Variants in KCNIP4 observed in about 807,000 individuals in gnomAD.
KCNIP4 encodes the protein Kv channel-interacting protein 4.
Under a neutral mutation model 34.0 loss-of-function variants are expected in KCNIP4, and 12 were observed. The observed-to-expected ratio is 0.35, with a 90% CI of 0.23 to 0.57. The LOEUF (loss-of-function observed/expected upper bound fraction) is 0.57. Ranked by LOEUF, KCNIP4 falls within the 20% of genes least tolerant of loss-of-function variation. The probability of loss-of-function intolerance (pLI) is 0.83; values close to 1 mark genes in which losing one functional copy is unlikely to be tolerated. For missense variants in KCNIP4, 238 were observed against 311.7 expected (o/e 0.76, Z 1.78); for synonymous variants, 124 against 102.2 (o/e 1.21, Z -1.29).
intron 1 of KCNIP4, among the ~76,000 whole-genome samples, chr4:20,974,868 T>C (rs973378674): frequency 1.3e-5 from 2 of 152,214 alleles, no homozygotes; most frequent in Admixed American, 6.5e-5. Context: ...ATTGAATACA[T>C]GATTATGCTA....
chr4:20,760,018 G>A (rs1578553496), intron 3 of KCNIP4, among the ~76,000 whole-genome samples: 1 of 152,162 alleles, frequency 6.6e-6, no homozygotes, highest in Admixed American at 6.5e-5. Flanking sequence ...TCTGCATTTG[G>A]CAGTGGATGC....
intron 3 of KCNIP4, among the ~76,000 whole-genome samples, chr4:20,785,554 C>G (rs761746108): frequency 6.6e-6 from 1 of 152,046 alleles, no homozygotes; most frequent in Admixed American, 6.6e-5. Context: ...GTTTATAACA[C>G]GTACATTGCT....
At chr4:21,134,580 T>G (rs184046115) in intron 1 of KCNIP4, among the ~76,000 whole-genome samples, 425 of 152,292 alleles carry the variant, frequency 2.8e-3, no homozygotes, top group Non-Finnish European at 4.7e-3. Context: ...TAAGTTTGCT[T>G]TTACATCACT....
chr4:21,774,814 C>G (rs1189692326), intron 1 of KCNIP4, among the ~76,000 whole-genome samples: 1 of 152,164 alleles, frequency 6.6e-6, no homozygotes, highest in Non-Finnish European at 1.5e-5. Flanking sequence ...ATGTTCCTCT[C>G]TAAACCTGTT....
At chr4:21,477,949 G>A (rs563313310) in intron 1 of KCNIP4, among the ~76,000 whole-genome samples, 2 of 152,118 alleles carry the variant, frequency 1.3e-5, no homozygotes, top group Non-Finnish European at 2.9e-5. Flanking sequence ...TTATTGAAAC[G>A]TTGTTATAAA....
chr4:20,857,284 C>A (rs890254935), intron 2 of KCNIP4, among the ~76,000 whole-genome samples: 11 of 152,100 alleles, frequency 7.2e-5, no homozygotes, highest in African/African-American at 2.4e-4. Context: ...CTATGGGGAG[C>A]ACGGCATGAT....
At chr4:21,289,454 G>A (rs939135335) in intron 1 of KCNIP4, among the ~76,000 whole-genome samples, 21 of 152,150 alleles carry the variant, frequency 1.4e-4, no homozygotes, top group African/African-American at 3.6e-4. Context: ...CCAAAGCAAG[G>A]ATTTTTTTTC....
chr4:21,591,484 C>A (rs1341130909), intron 1 of KCNIP4, among the ~76,000 whole-genome samples: 1 of 152,052 alleles, frequency 6.6e-6, no homozygotes, highest in Admixed American at 6.6e-5. Flanking sequence ...GAAAATAATG[C>A]AAATCACTTT....
At chr4:20,918,913 G>T (rs1455240346) in intron 1 of KCNIP4, among the ~76,000 whole-genome samples, 1 of 152,184 alleles carries the variant, frequency 6.6e-6, no homozygotes, top group Admixed American at 6.5e-5. Flanking sequence ...GATATAATCT[G>T]GGCACAGGTG....
chr4:21,064,667 T>C (rs1238323030), intron 1 of KCNIP4, among the ~76,000 whole-genome samples: 1 of 152,148 alleles, frequency 6.6e-6, no homozygotes, highest in Non-Finnish European at 1.5e-5. Context: ...AAGTGCTCAA[T>C]AATTGTTAGT....
chr4:21,725,416 G>A (rs1577906543), intron 1 of KCNIP4, among the ~76,000 whole-genome samples: 2 of 152,084 alleles, frequency 1.3e-5, no homozygotes, highest in South Asian at 4.1e-4. Flanking sequence ...GAAACCCATT[G>A]GTTACAAAGG....
At chr4:21,379,600 G>T (rs1189606203) in intron 1 of KCNIP4, among the ~76,000 whole-genome samples, 1 of 152,118 alleles carries the variant, frequency 6.6e-6, no homozygotes, top group Non-Finnish European at 1.5e-5. Flanking sequence ...ATTATAGAAA[G>T]ATTTATAGTC....
chr4:20,732,041 C>G lies in KCNIP4; in HGVS notation c.670G>C (p.Val224Leu). ...CTTTCAATGAACTCATCTATGGTAACAACCCCATCTTTATTTTTGTCCATT... is the reference window on the plus strand; with the variant it reads ...CTTTCAATGAACTCATCTATGGTAAGAACCCCATCTTTATTTTTGTCCATT... ...QKMDKNKDGV[V>L]TIDEFIESCQ... is the part of the protein sequence containing the mutation. Residue 224 changes from valine (V) to leucine (L), a missense_variant, in exon 8 of 9, where the codon GTT becomes CTT. Val to Leu is a conservative substitution (Grantham distance 32). Coordinates refer to ENST00000382152, the MANE Select transcript of KCNIP4 (RefSeq NM_025221.6). 1 of 1,613,086 alleles carries G rather than the reference C, an allele frequency of 6.2e-7. No homozygotes were observed. The highest frequency in any genetic ancestry group is 1.3e-5 in the African/African-American group (1 of 74,816).
intron 1 of KCNIP4, among the ~76,000 whole-genome samples, chr4:21,661,973 G>C (rs957324929): frequency 6.6e-6 from 1 of 152,134 alleles, no homozygotes; most frequent in African/African-American, 2.4e-5. Context: ...TTCAGTTGCT[G>C]TAAAGGGTGA....
chr4:21,840,559 T>C (rs1723615748), intron 1 of KCNIP4, among the ~76,000 whole-genome samples: 1 of 152,162 alleles, frequency 6.6e-6, no homozygotes, highest in Non-Finnish European at 1.5e-5. Context: ...TCCCTCTTTT[T>C]CCAATAATGG....
chr4:21,365,044 G>T (rs922522948), intron 1 of KCNIP4, among the ~76,000 whole-genome samples: 2 of 152,164 alleles, frequency 1.3e-5, no homozygotes, highest in African/African-American at 4.8e-5. Flanking sequence ...TATCAAAGGA[G>T]AAAGGAGTTT....
At chr4:21,341,435 G>A (rs1716754411) in intron 1 of KCNIP4, among the ~76,000 whole-genome samples, 1 of 152,092 alleles carries the variant, frequency 6.6e-6, no homozygotes, top group Non-Finnish European at 1.5e-5. Flanking sequence ...AAGTAATTGT[G>A]CAAACATGTG....
At chr4:20,947,578 AC>A (rs1732318120) in intron 1 of KCNIP4, among the ~76,000 whole-genome samples, 1 of 152,176 alleles carries the variant, frequency 6.6e-6, no homozygotes, top group Non-Finnish European at 1.5e-5. Flanking sequence ...TACTTAGCCT[AC>A]TTTACATGAA....
chr4:21,586,649 A>G (rs1741641141), intron 1 of KCNIP4, among the ~76,000 whole-genome samples: 1 of 152,112 alleles, frequency 6.6e-6, no homozygotes, highest in African/African-American at 2.4e-5. Context: ...AAAGAACAAG[A>G]GAAAGAGCAA....
Sources: gnomAD v4.1 joint callset for allele counts (sites outside exome capture counted in the v4.1 genomes callset) on GRCh38, gnomAD v4.1.1 for gene constraint, MANE v1.5 for transcripts, NCBI Gene and HGNC (gene_info 2026-07-23, HGNC 2026-07-21) for gene names.